The following DLGAP1 variants were observed in gnomAD, a reference collection of about 807,000 sequenced individuals.
DLGAP1 encodes the protein disks large-associated protein 1.
DLGAP1 carries 11 observed loss-of-function variants against 90.8 expected under a neutral mutation model. The observed-to-expected ratio is 0.12, with a 90% CI of 0.08 to 0.20. The LOEUF (loss-of-function observed/expected upper bound fraction) is 0.20. DLGAP1 is among the 10% of genes least tolerant of loss of function. DLGAP1 has a pLI of 1.00. For synonymous variants in DLGAP1, 558 were observed against 540.7 expected, an observed-to-expected ratio of 1.03 and a Z score of -0.44; for missense variants, 1,050 against 1,333.8, an observed-to-expected ratio of 0.79 and a Z score of 3.31.
At chr18:4,035,830 A>T (rs899320127) in intron 2 of DLGAP1, among the ~76,000 whole-genome samples, 4 of 152,170 alleles carry the variant, frequency 2.6e-5, no homozygotes, top group Non-Finnish European at 4.4e-5. Flanking sequence ...GGCTAATCTG[A>T]TTCTGTGATA....
intron 7 of DLGAP1, among the ~76,000 whole-genome samples, chr18:3,599,943 A>G (rs2056805251): frequency 6.6e-6 from 1 of 150,460 alleles, no homozygotes. Flanking sequence ...TTAAAGAGAC[A>G]GGGTCTCGCT....
chr18:4,358,761 G>A (rs904076526), intron 1 of DLGAP1, among the ~76,000 whole-genome samples: 5 of 152,204 alleles, frequency 3.3e-5, no homozygotes, highest in Admixed American at 6.5e-5. Context: ...CTAGGGCTGA[G>A]CTTTGTGGCC....
At chr18:3,680,476 C>T (rs12457197) in intron 7 of DLGAP1, among the ~76,000 whole-genome samples, 23,071 of 152,146 alleles carry the variant, frequency 0.15, 1,923 homozygotes, top group South Asian at 0.23. Flanking sequence ...TGTTCTTTAA[C>T]CCTCAATGCT....
intron 1 of DLGAP1, among the ~76,000 whole-genome samples, chr18:4,440,926 G>T (rs1296455018): frequency 6.6e-6 from 1 of 152,178 alleles, no homozygotes; most frequent in Non-Finnish European, 1.5e-5. Flanking sequence ...TGAGCTAAGG[G>T]TACAACAATG....
chr18:4,037,567 G>T lies in DLGAP1; in HGVS notation c.-158-32366C>A, dbSNP rs557096094. Among the ~76,000 whole-genome samples the T allele has an allele frequency of 4.6e-5, 7 of 152,310 alleles. No individual in the cohort carries two copies. In the East Asian group the frequency reaches 1.2e-3, roughly 25 times the overall value. On this transcript the variant is annotated intron_variant, in intron 2 of 12. Coordinates refer to ENST00000315677, the MANE Select transcript of DLGAP1 (RefSeq NM_004746.4). The stretch of plus-strand genomic sequence containing the variant: ...TCTTACTTTCCCTTTGTTCTGAGCT[G>T]CGCCATGCCTTTTCTCTTTTGGGGG...
At chr18:3,898,010 G>C (rs1034249999) in intron 3 of DLGAP1, among the ~76,000 whole-genome samples, 1 of 151,842 alleles carries the variant, frequency 6.6e-6, no homozygotes, top group Non-Finnish European at 1.5e-5. Context: ...TAGCCAGGAT[G>C]GTCTCGATCT....
At chr18:3,784,000 T>G (rs1023500342) in intron 5 of DLGAP1, among the ~76,000 whole-genome samples, 1 of 152,196 alleles carries the variant, frequency 6.6e-6, no homozygotes, top group African/African-American at 2.4e-5. Flanking sequence ...TCCTGGCCCC[T>G]GGCTGGTGGG....
chr18:4,276,508 C>A (rs149465140), intron 1 of DLGAP1, among the ~76,000 whole-genome samples: 1,631 of 151,776 alleles, frequency 0.011, 14 homozygotes, highest in Non-Finnish European at 0.016. Flanking sequence ...TGGTGGCATG[C>A]ACCTGTAATC....
chr18:3,562,471 C>T (rs1330523152), intron 9 of DLGAP1, among the ~76,000 whole-genome samples: 3 of 150,646 alleles, frequency 2.0e-5, no homozygotes, highest in East Asian at 2.0e-4. Flanking sequence ...CTCATGATAA[C>T]GAGTGGGTCT....
intron 8 of DLGAP1, among the ~76,000 whole-genome samples, chr18:3,578,665 T>C (rs2055305806): frequency 6.6e-6 from 1 of 151,936 alleles, no homozygotes; most frequent in South Asian, 2.1e-4. Context: ...ATTTTTTTTT[T>C]TTCTTATTAT....
At chr18:3,597,085 G>A (rs747976535) in intron 7 of DLGAP1, 15 of 518,990 alleles carry the variant, frequency 2.9e-5, no homozygotes, top group East Asian at 5.5e-5. Flanking sequence ...TTCACTCCTC[G>A]TTACTCTTTT....
intron 3 of DLGAP1, among the ~76,000 whole-genome samples, chr18:3,957,555 T>G (rs78166939): frequency 6.6e-6 from 1 of 152,354 alleles, no homozygotes; most frequent in African/African-American, 2.4e-5. Flanking sequence ...TAGATATTTT[T>G]AAAATCGTTA....
rs376542639 is a variant in DLGAP1 at position 4,152,928 on chromosome 18, T to C, written c.-266-1641A>G. Among the ~76,000 whole-genome samples, 108 of 152,334 alleles carry C rather than the reference T, an allele frequency of 7.1e-4. No homozygotes were observed. The South Asian group carries it at 0.01, about 14-fold the overall frequency. On this transcript the variant is annotated intron_variant, in intron 1 of 12. Transcript: ENST00000315677. ...AGTAACTCAGGAGATAATGAAAAAT[T>C]GTTAATTTCTAAAAATATATAGAAC...
At chr18:4,318,044 C>T (rs1335450432) in intron 1 of DLGAP1, among the ~76,000 whole-genome samples, 1 of 152,106 alleles carries the variant, frequency 6.6e-6, no homozygotes, top group Non-Finnish European at 1.5e-5. Context: ...GACAGGGTTT[C>T]ACCATGTTGG....
chr18:3,896,956 G>C (rs1271665587), intron 3 of DLGAP1: 4 of 152,314 alleles, frequency 2.6e-5, no homozygotes, highest in Non-Finnish European at 4.4e-5. Context: ...TTCAGGCCTT[G>C]CTGGGTTCCC....
chr18:4,445,696 C>T (rs957596106), intron 1 of DLGAP1, among the ~76,000 whole-genome samples: 1 of 151,944 alleles, frequency 6.6e-6, no homozygotes, highest in Non-Finnish European at 1.5e-5. Context: ...AAAACATCAG[C>T]TAATTCACTA....
intron 2 of DLGAP1, among the ~76,000 whole-genome samples, chr18:4,017,840 G>C (rs1207629320): frequency 1.3e-5 from 2 of 151,944 alleles, no homozygotes; most frequent in African/African-American, 4.8e-5. Context: ...TCTACCTAAA[G>C]CCTAATGTGC....
intron 2 of DLGAP1, among the ~76,000 whole-genome samples, chr18:4,008,956 T>A (rs1438668424): frequency 6.6e-6 from 1 of 151,802 alleles, no homozygotes; most frequent in Non-Finnish European, 1.5e-5. Context: ...CAGGCTGGAG[T>A]GCGGTGGCGC....
At chr18:4,058,688 T>A (rs2075258004) in intron 2 of DLGAP1, among the ~76,000 whole-genome samples, 2 of 152,198 alleles carry the variant, frequency 1.3e-5, no homozygotes, top group African/African-American at 2.4e-5. Flanking sequence ...AGGCTTTCCA[T>A]GAGTATTCCT....
Sources: gnomAD v4.1 joint callset for allele counts (sites outside exome capture counted in the v4.1 genomes callset) on GRCh38, gnomAD v4.1.1 for gene constraint, MANE v1.5 for transcripts, NCBI Gene and HGNC (gene_info 2026-07-23, HGNC 2026-07-21) for gene names.